The following CDYL variants were observed in gnomAD, a reference collection of about 807,000 sequenced individuals.
The protein encoded by CDYL is chromodomain Y like, also known as chromodomain Y-like protein.
A neutral mutation model predicts 47.3 loss-of-function variants in CDYL; 8 were observed. That is an observed-to-expected ratio of 0.17 (90% CI 0.10 to 0.31). CDYL has a LOEUF of 0.31. Ranked by LOEUF, CDYL falls within the 10% of genes least tolerant of loss-of-function variation. The probability of loss-of-function intolerance (pLI) is 1.00; values close to 1 mark genes in which losing one functional copy is unlikely to be tolerated. For synonymous variants in CDYL, 266 were observed against 265.0 expected (o/e 1.00, Z -0.04); for missense variants, 471 against 701.4 (o/e 0.67, Z 3.71).
intron 2 of CDYL, among the ~76,000 whole-genome samples, chr6:4,731,752 T>A (rs1757609074): frequency 6.6e-6 from 1 of 151,804 alleles, no homozygotes; most frequent in Non-Finnish European, 1.5e-5. Flanking sequence ...TGAGCCGAGA[T>A]GCAGGTTGCA....
chr6:4,740,937 C>T (rs1757786605), intron 3 of CDYL, among the ~76,000 whole-genome samples: 1 of 151,984 alleles, frequency 6.6e-6, no homozygotes, highest in African/African-American at 2.4e-5. Flanking sequence ...CAGGCATGTG[C>T]CACCGTGCCT....
intron 2 of CDYL, among the ~76,000 whole-genome samples, chr6:4,920,133 A>G (rs1757670750): frequency 5.9e-5 from 9 of 152,184 alleles, no homozygotes; most frequent in Admixed American, 4.6e-4. Context: ...TTCCACTTAC[A>G]AGAGGTACCT....
chr6:4,731,532 C>T (rs977572322), intron 2 of CDYL, among the ~76,000 whole-genome samples: 1 of 152,170 alleles, frequency 6.6e-6, no homozygotes, highest in Non-Finnish European at 1.5e-5. Flanking sequence ...CATGGTGGCT[C>T]ATGCCTGTAA....
At chr6:4,801,139 A>G (rs1759214755) in intron 1 of CDYL, among the ~76,000 whole-genome samples, 1 of 152,232 alleles carries the variant, frequency 6.6e-6, no homozygotes, top group South Asian at 2.1e-4. Context: ...AGAACCAAGC[A>G]TCAATCCGTT....
intron 1 of CDYL, among the ~76,000 whole-genome samples, chr6:4,797,530 C>T (rs1482644910): frequency 7.9e-5 from 12 of 152,068 alleles, no homozygotes; most frequent in African/African-American, 2.4e-4. Flanking sequence ...ACAGCCGCCG[C>T]CACCACTATC....
At chr6:4,847,337 T>C (rs1760691947) in intron 1 of CDYL, among the ~76,000 whole-genome samples, 1 of 152,204 alleles carries the variant, frequency 6.6e-6, no homozygotes, top group Admixed American at 6.5e-5. Context: ...CAGTGTCCTG[T>C]TTAGTGGACC....
intron 3 of CDYL, among the ~76,000 whole-genome samples, chr6:4,747,151 C>G (rs577005012): frequency 6.6e-5 from 10 of 151,884 alleles, no homozygotes; most frequent in African/African-American, 2.4e-4. Flanking sequence ...TATTGAAAAT[C>G]CAAAAATTAG....
intron 2 of CDYL, among the ~76,000 whole-genome samples, chr6:4,935,254 AG>A: frequency 6.6e-6 from 1 of 152,322 alleles, no homozygotes; most frequent in East Asian, 1.9e-4. Flanking sequence ...CTAACTATGT[AG>A]CTTCCTTTCA....
chr6:4,953,949 G>A lies in CDYL; in HGVS notation c.1528G>A (p.Glu510Lys). The A allele has an allele frequency of 6.2e-7, 1 of 1,614,132 alleles. No individual in the cohort carries two copies. Among genetic ancestry groups the A allele is most frequent in the Non-Finnish European group, 8.5e-7 (1 of 1,180,026 alleles). Residue 510 changes from glutamate (E) to lysine (K), a missense_variant, in exon 7 of 7, where the codon GAG (glutamate) becomes AAG (lysine). Glu to Lys is a moderately conservative substitution (Grantham distance 56). Coordinates refer to ENST00000397588, the MANE Select transcript of CDYL (RefSeq NM_004824.4). ...LVRCNMKMEL[E>K]QANERECEVL... is the part of the protein sequence containing the mutation. The stretch of plus-strand genomic sequence containing the variant: ...GCGCTGCAACATGAAGATGGAGCTG[G>A]AGCAGGCCAACGAGAGGGAGTGTGA...
intron 3 of CDYL, among the ~76,000 whole-genome samples, chr6:4,936,347 A>C (rs1157351011): frequency 6.6e-6 from 1 of 152,196 alleles, no homozygotes; most frequent in African/African-American, 2.4e-5. Context: ...GAAAGGTTAG[A>C]ACATGAATTT....
At chr6:4,939,317 G>A (rs1758294723) in intron 4 of CDYL, among the ~76,000 whole-genome samples, 1 of 152,074 alleles carries the variant, frequency 6.6e-6, no homozygotes, top group Admixed American at 6.6e-5. Flanking sequence ...TGAGTCTGGG[G>A]TAGGCAGGGA....
chr6:4,763,476 G>A (rs1179072397), intron 3 of CDYL, among the ~76,000 whole-genome samples: 2 of 152,066 alleles, frequency 1.3e-5, no homozygotes, highest in Non-Finnish European at 2.9e-5. Context: ...GGGTCAGTAG[G>A]ACATGGAATA....
intron 1 of CDYL, among the ~76,000 whole-genome samples, chr6:4,860,123 G>A (rs1008144372): frequency 3.3e-5 from 5 of 151,904 alleles, no homozygotes; most frequent in Admixed American, 6.6e-5. Context: ...GGATGGTCTC[G>A]ATCTCCTGAC....
chr6:4,803,413 C>T (rs1013139732), intron 1 of CDYL, among the ~76,000 whole-genome samples: 1 of 152,138 alleles, frequency 6.6e-6, no homozygotes, highest in Non-Finnish European at 1.5e-5. Context: ...ATTTTTGCAC[C>T]TCCTCTGCTG....
intron 1 of CDYL, among the ~76,000 whole-genome samples, chr6:4,888,518 A>G (rs1216536112): frequency 6.6e-6 from 1 of 152,094 alleles, no homozygotes; most frequent in Non-Finnish European, 1.5e-5. Context: ...AGAAATGTGG[A>G]TGTTTATTTT....
intron 3 of CDYL, among the ~76,000 whole-genome samples, chr6:4,768,124 C>T (rs935791710): frequency 6.6e-6 from 1 of 152,240 alleles, no homozygotes; most frequent in Non-Finnish European, 1.5e-5. Flanking sequence ...GCAACTTCCA[C>T]ATCTAGGCCT....
intron 1 of CDYL, among the ~76,000 whole-genome samples, chr6:4,834,330 T>C (rs1374959492): frequency 2.0e-5 from 3 of 149,494 alleles, no homozygotes; most frequent in African/African-American, 4.9e-5. Flanking sequence ...CCTTCACTTA[T>C]GAAGCTTAGT....
At chr6:4,861,771 CTT>C (rs1391262021) in intron 1 of CDYL, among the ~76,000 whole-genome samples, 2 of 152,176 alleles carry the variant, frequency 1.3e-5, no homozygotes, top group African/African-American at 4.8e-5. Flanking sequence ...GTATCTGTCT[CTT>C]TACATGTGCT....
At chr6:4,864,154 T>C (rs1761254626) in intron 1 of CDYL, among the ~76,000 whole-genome samples, 1 of 152,146 alleles carries the variant, frequency 6.6e-6, no homozygotes, top group Non-Finnish European at 1.5e-5. Context: ...TAATGTAAAA[T>C]ATGATTCAAG....
Sources: allele counts gnomAD v4.1 joint callset (sites outside exome capture counted in the v4.1 genomes callset), GRCh38; gene constraint gnomAD v4.1.1; transcripts MANE v1.5; gene names NCBI Gene and HGNC (gene_info 2026-07-23, HGNC 2026-07-21).